Variants in FRMD4A observed in about 807,000 individuals in gnomAD.
The protein encoded by FRMD4A is FERM domain-containing protein 4A.
A neutral mutation model predicts 129.1 loss-of-function variants in FRMD4A; 29 were observed. The observed-to-expected ratio is 0.22, with a 90% confidence interval of 0.17 to 0.31. The LOEUF is 0.31. Among genes scored for constraint, FRMD4A ranks in the 10% least tolerant of loss-of-function variants. The pLI is 1.00. For synonymous variants in FRMD4A, 634 were observed against 571.6 expected, an observed-to-expected ratio of 1.11 and a Z score of -1.56; for missense variants, 1,272 against 1,375.8, an observed-to-expected ratio of 0.92 and a Z score of 1.19.
intron 2 of FRMD4A, among the ~76,000 whole-genome samples, chr10:14,093,616 G>A (rs1836778089): frequency 6.6e-6 from 1 of 152,108 alleles, no homozygotes; most frequent in African/African-American, 2.4e-5. Flanking sequence ...ACTATTTTCT[G>A]CAAAGAAAAT....
In FRMD4A at chr10:13,740,590, GA is replaced by G; in HGVS notation, c.549-14del. 2 of 1,461,978 alleles carry G rather than the reference GA, an allele frequency of 1.4e-6. No individual in the cohort carries two copies. Among genetic ancestry groups the G allele is most frequent in the Non-Finnish European group, 1.9e-6 (2 of 1,050,786 alleles). 90.6% of individuals were successfully genotyped at this position (1,461,978 alleles called of 1,614,324 possible). On this transcript the variant is annotated splice_polypyrimidine_tract_variant and intron_variant, in intron 9 of 24. Transcript: ENST00000357447. ...GACTCTGTCTTCACTGTAATTAGAA[GA>G]AAAGAATGCTGTTGTTGGAGTCTCT... is the stretch of plus-strand genomic sequence containing the variant.
At chr10:14,132,144 G>C (rs771934620) in intron 2 of FRMD4A, among the ~76,000 whole-genome samples, 2 of 152,068 alleles carry the variant, frequency 1.3e-5, no homozygotes, top group East Asian at 3.9e-4. Context: ...AAATTAGCTG[G>C]GCGTGGTGGC....
At position 13,829,497 on chromosome 10, in the gene FRMD4A, G is replaced by T. The variant is rs149796390; in HGVS notation, c.112-18589C>A. ...AGAGTGAGGTCCCATCTCAAAAAAA[G>T]GCAAAAAGCAAAAACCAGTGTTCCC... On this transcript the variant is annotated intron_variant, in intron 3 of 24. Coordinates refer to ENST00000357447, the MANE Select transcript of FRMD4A (RefSeq NM_018027.5). Among the ~76,000 whole-genome samples, 673 of 152,228 alleles carry T rather than the reference G, an allele frequency of 4.4e-3. 5 individuals carry two copies. Among genetic ancestry groups the T allele is most frequent in the African/African-American group, 0.015 (638 of 41,540 alleles).
Position 13,660,348 on chromosome 10 carries a change from C to T in FRMD4A, c.1866G>A (p.Lys622=), listed in dbSNP as rs543063718. The T allele has an allele frequency of 1.9e-6, 3 of 1,613,800 alleles. No homozygotes were observed. Among genetic ancestry groups the T allele is most frequent in the South Asian group, 1.1e-5 (1 of 91,074 alleles). The change falls in exon 20 of 25, where the codon AAG becomes AAA. Residue 622 remains lysine, a synonymous_variant. Transcript: ENST00000357447. The part of the protein sequence containing the change: ...SESSLDEPYE[K]VKKRSSHSHS... ...GGCTGTGAGAGGAGCGCTTCTTGAC[C>T]TTCTCATAGGGTTCATCTAAAGAGG...
chr10:14,219,561 C>G (rs961040007), intron 2 of FRMD4A, among the ~76,000 whole-genome samples: 1 of 152,198 alleles, frequency 6.6e-6, no homozygotes, highest in Admixed American at 6.5e-5. Context: ...ACCTCAAATT[C>G]CATCATGTCT....
intron 2 of FRMD4A, among the ~76,000 whole-genome samples, chr10:13,907,548 G>A (rs1225746656): frequency 2.0e-5 from 3 of 152,152 alleles, no homozygotes; most frequent in Non-Finnish European, 2.9e-5. Flanking sequence ...CAGGCACCAT[G>A]TGGCTGTTGT....
intron 2 of FRMD4A, among the ~76,000 whole-genome samples, chr10:14,026,315 A>T (rs1832983839): frequency 6.6e-6 from 1 of 152,190 alleles, no homozygotes; most frequent in Non-Finnish European, 1.5e-5. Flanking sequence ...AACATTTCAC[A>T]CTTAAACAAA....
intron 9 of FRMD4A, among the ~76,000 whole-genome samples, chr10:13,743,261 C>T (rs1486156760): frequency 6.6e-6 from 1 of 152,082 alleles, no homozygotes; most frequent in African/African-American, 2.4e-5. Flanking sequence ...AAGCATGCTC[C>T]CCAAGGGCAG....
intron 5 of FRMD4A, 83 bp downstream of exon 5, chr10:13,796,413 T>C (rs2093120512): frequency 2.6e-6 from 2 of 760,502 alleles, no homozygotes; most frequent in Non-Finnish European, 4.8e-6. Context: ...TTGAGCTCTC[T>C]TTCCTTGGAA....
At chr10:14,136,675 C>T (rs530946330) in intron 2 of FRMD4A, among the ~76,000 whole-genome samples, 1 of 152,246 alleles carries the variant, frequency 6.6e-6, no homozygotes, top group African/African-American at 2.4e-5. Flanking sequence ...CTGCCCATCC[C>T]CACCCGCTTC....
chr10:14,205,661 G>A (rs981855907), intron 2 of FRMD4A, among the ~76,000 whole-genome samples: 2 of 152,040 alleles, frequency 1.3e-5, no homozygotes, highest in East Asian at 3.9e-4. Context: ...ACAAAAATTA[G>A]CTGGGTGTGG....
chr10:13,828,100 T>C (rs2093731373), intron 3 of FRMD4A, among the ~76,000 whole-genome samples: 1 of 152,246 alleles, frequency 6.6e-6, no homozygotes, highest in Non-Finnish European at 1.5e-5. Context: ...CATCTTTTTT[T>C]CTAAATCCAT....
At chr10:13,974,350 C>T (rs73587363) in intron 2 of FRMD4A, among the ~76,000 whole-genome samples, 4,629 of 152,078 alleles carry the variant, frequency 0.03, 128 homozygotes, top group African/African-American at 0.072. Flanking sequence ...GGATGAGTGG[C>T]GTGCTTTAGT....
chr10:14,090,481 C>T (rs1024211526), intron 2 of FRMD4A, among the ~76,000 whole-genome samples: 1 of 152,210 alleles, frequency 6.6e-6, no homozygotes, highest in African/African-American at 2.4e-5. Flanking sequence ...GGAAACAGCA[C>T]TTTGCAGGCA....
At chr10:14,098,790 G>A (rs1837145813) in intron 2 of FRMD4A, among the ~76,000 whole-genome samples, 1 of 152,112 alleles carries the variant, frequency 6.6e-6, no homozygotes, top group Non-Finnish European at 1.5e-5. Context: ...TTTGTTCAAT[G>A]GTCACAAGGT....
At chr10:13,713,114 T>C (rs958602091) in intron 12 of FRMD4A, among the ~76,000 whole-genome samples, 1 of 152,222 alleles carries the variant, frequency 6.6e-6, no homozygotes, top group Non-Finnish European at 1.5e-5. Flanking sequence ...CTTCCCCCGC[T>C]GCCCCTGAGG....
chr10:13,884,662 G>C (rs1034387407), intron 2 of FRMD4A, among the ~76,000 whole-genome samples: 3 of 152,148 alleles, frequency 2.0e-5, no homozygotes, highest in Non-Finnish European at 4.4e-5. Flanking sequence ...TGGAGACCCA[G>C]ATGTAGTAGA....
chr10:14,122,207 A>G (rs1838564685), intron 2 of FRMD4A, among the ~76,000 whole-genome samples: 1 of 152,244 alleles, frequency 6.6e-6, no homozygotes, highest in African/African-American at 2.4e-5. Context: ...GAGAAAATGC[A>G]TATAAAGCAT....
chr10:13,744,785 A>G (rs1332406894), intron 9 of FRMD4A: 1 of 152,292 alleles, frequency 6.6e-6, no homozygotes, highest in Non-Finnish European at 1.5e-5. Context: ...CCCACCAGTG[A>G]GGGGTCCTGG....
Sources: allele counts gnomAD v4.1 joint callset (sites outside exome capture counted in the v4.1 genomes callset), GRCh38; gene constraint gnomAD v4.1.1; transcripts MANE v1.5; gene names NCBI Gene and HGNC (gene_info 2026-07-23, HGNC 2026-07-21).